Variants in CACNA1A observed in about 807,000 individuals in gnomAD.
The protein encoded by CACNA1A is voltage-dependent P/Q-type calcium channel subunit alpha-1A.
Under a neutral mutation model 262.4 loss-of-function variants are expected in CACNA1A, and 57 were observed. The ratio of observed to expected loss-of-function variants is 0.22; its 90% CI spans 0.18 to 0.27. The LOEUF is 0.27. Among genes scored for constraint, CACNA1A ranks in the 10% least tolerant of loss-of-function variants. The probability of loss-of-function intolerance (pLI) is 1.00; values close to 1 mark genes in which losing one functional copy is unlikely to be tolerated. For missense variants in CACNA1A, 2,526 were observed against 3,562.8 expected, an observed-to-expected ratio of 0.71 and a Z score of 7.41; for synonymous variants, 1,431 against 1,419.3, an observed-to-expected ratio of 1.01 and a Z score of -0.18.
chr19:13,490,973 A>G (rs10423665), intron 1 of CACNA1A, among the ~76,000 whole-genome samples: 103,765 of 148,266 alleles, frequency 0.7, 37,339 homozygotes, highest in African/African-American at 0.88. Context: ...AGGGAGGGAG[A>G]GAAAGACAAA....
intron 38 of CACNA1A, among the ~76,000 whole-genome samples, chr19:13,219,933 G>A (rs2055159913): frequency 7.4e-6 from 1 of 135,456 alleles, no homozygotes. Flanking sequence ...CTGGGTGACA[G>A]AACAAGACTC....
chr19:13,494,189 C>T (rs548346758), intron 1 of CACNA1A, among the ~76,000 whole-genome samples: 1 of 152,252 alleles, frequency 6.6e-6, no homozygotes, highest in African/African-American at 2.4e-5. Flanking sequence ...AAATGTGTTC[C>T]TAAAAGTTTA....
Position 13,413,323 on chromosome 19 carries a change from G to C in CACNA1A, c.539+39553C>G, listed in dbSNP as rs576698735. ...GGGTTTCACTGTGTTAGCCAGGATG[G>C]TCTCAATCTCCTGACCTCGTGATCC... On this transcript the variant is annotated intron_variant, in intron 3 of 46. Coordinates refer to ENST00000360228, the MANE Select transcript of CACNA1A (RefSeq NM_001127222.2). Among the ~76,000 whole-genome samples, 49 of 151,234 alleles carry C rather than the reference G, an allele frequency of 3.2e-4. 1 individual carries two copies. In the East Asian group the frequency reaches 4.6e-3, roughly 14 times the overall value.
rs8112864 is a variant in CACNA1A, at chr19:13,390,680, A to G, written c.540-18901T>C. On this transcript the variant is annotated intron_variant, in intron 3 of 46. Coordinates refer to ENST00000360228, the MANE Select transcript of CACNA1A (RefSeq NM_001127222.2). ...CAATTTTTTTTTTATGATTCTATCC[A>G]CTATTTACCATGTGCTAATTCCTAT... 9.6e-3 allele frequency among the ~76,000 whole-genome samples: 1,462 copies of G among 152,238 alleles called. 26 individuals carry two copies. Among genetic ancestry groups the G allele is most frequent in the African/African-American group, 0.033 (1,351 of 41,540 alleles).
rs574306645 is a variant in CACNA1A, at chr19:13,380,025, C to A, written c.540-8246G>T. 2.9e-3 allele frequency among the ~76,000 whole-genome samples: 404 copies of A among 137,194 alleles called. 2 individuals are homozygous for A. The highest frequency in any genetic ancestry group is 5.0e-3 in the Non-Finnish European group (326 of 65,646). The allele number at this position is 137,194 out of a possible 152,430, so 90.0% of individuals were successfully genotyped here. On this transcript the variant is annotated intron_variant, in intron 3 of 46. Coordinates refer to ENST00000360228, the MANE Select transcript of CACNA1A (RefSeq NM_001127222.2). The stretch of plus-strand genomic sequence containing the variant: ...TTATAGCCAGGTGCGGTGGCTCATG[C>A]CTGTAATCCCAGCACTTTGGGAGGC...
At chr19:13,415,378 C>T (rs1217094754) in intron 3 of CACNA1A, among the ~76,000 whole-genome samples, 1 of 152,110 alleles carries the variant, frequency 6.6e-6, no homozygotes, top group Non-Finnish European at 1.5e-5. Context: ...TGAGAGGCTT[C>T]TGCATGTCAG....
intron 10 of CACNA1A, among the ~76,000 whole-genome samples, chr19:13,328,937 T>C (rs2058418638): frequency 6.6e-6 from 1 of 151,668 alleles, no homozygotes; most frequent in Non-Finnish European, 1.5e-5. Flanking sequence ...TTCCTCTTTC[T>C]CTTGCCATCC....
rs144713214 is a variant in CACNA1A, at chr19:13,409,152, T to C, written c.540-37373A>G. On this transcript the variant is annotated intron_variant, in intron 3 of 46. Coordinates refer to ENST00000360228, the MANE Select transcript of CACNA1A (RefSeq NM_001127222.2). ...TAGAGACAGGTCCATTGATACAATC[T>C]TGACGCTTTGGAACTTTGCTTTCCC... 8.4e-3 allele frequency among the ~76,000 whole-genome samples: 1,283 copies of C among 152,250 alleles called. 9 individuals carry two copies. The highest frequency in any genetic ancestry group is 0.014 in the Non-Finnish European group (947 of 68,014).
intron 3 of CACNA1A, among the ~76,000 whole-genome samples, chr19:13,418,148 C>A (rs565521047): frequency 6.6e-6 from 1 of 152,316 alleles, no homozygotes; most frequent in East Asian, 1.9e-4. Flanking sequence ...TAACCCCACT[C>A]TGTCTTGATT....
chr19:13,373,078 AT>A (rs1347345447), intron 3 of CACNA1A, among the ~76,000 whole-genome samples: 1 of 152,236 alleles, frequency 6.6e-6, no homozygotes, highest in African/African-American at 2.4e-5. Context: ...AGAACTTCAT[AT>A]AATGGACAAG....
At chr19:13,496,123 C>T (rs1331137355) in intron 1 of CACNA1A, among the ~76,000 whole-genome samples, 4 of 152,066 alleles carry the variant, frequency 2.6e-5, no homozygotes, top group Admixed American at 2.0e-4. Flanking sequence ...CAGAGGATGC[C>T]TCCATCCCCT....
chr19:13,503,480 T>C (rs1188285240), intron 1 of CACNA1A, among the ~76,000 whole-genome samples: 1 of 152,106 alleles, frequency 6.6e-6, no homozygotes, highest in East Asian at 1.9e-4. Context: ...TTTTTTTTAA[T>C]GGCAGAAATA....
chr19:13,344,869 C>G (rs1439642127), intron 6 of CACNA1A, among the ~76,000 whole-genome samples: 2 of 152,000 alleles, frequency 1.3e-5, no homozygotes, highest in African/African-American at 4.8e-5. Flanking sequence ...ATTCTTGTGC[C>G]TCGGCCTCCC....
intron 6 of CACNA1A, among the ~76,000 whole-genome samples, chr19:13,342,328 C>A (rs759068295): frequency 6.6e-5 from 10 of 152,132 alleles, no homozygotes; most frequent in Non-Finnish European, 1.2e-4. Context: ...GATGGGGTCA[C>A]AGATCTCTTC....
Position 13,307,766 on chromosome 19 carries a change from C to G in CACNA1A, c.1986+16G>C, listed in dbSNP as rs1434708569. 2 of 1,612,626 alleles carry G rather than the reference C, an allele frequency of 1.2e-6. No homozygotes were observed. The highest frequency in any genetic ancestry group is 2.7e-5 in the African/African-American group (2 of 74,926). On this transcript the variant is annotated intron_variant, in intron 15 of 46. Coordinates refer to ENST00000360228, the MANE Select transcript of CACNA1A (RefSeq NM_001127222.2). ...ACTGAGAGGTGTTGGCCCGTGGGGC[C>G]AGGTGGAGGCTGTACCTGAAACACC...
intron 3 of CACNA1A, among the ~76,000 whole-genome samples, chr19:13,393,767 C>G: frequency 1.4e-5 from 1 of 70,334 alleles, no homozygotes; most frequent in East Asian, 6.1e-4. Context: ...CTTCCCTTCC[C>G]TCCCTCCCTC....
chr19:13,299,960 G>A (rs191637970), intron 18 of CACNA1A, among the ~76,000 whole-genome samples: 74 of 152,280 alleles, frequency 4.9e-4, no homozygotes, highest in African/African-American at 1.8e-3. Flanking sequence ...CAGATGCACC[G>A]TTCACAATAG....
At chr19:13,221,226 C>T (rs962534122) in intron 38 of CACNA1A, among the ~76,000 whole-genome samples, 3 of 9,216 alleles carry the variant, frequency 3.3e-4, no homozygotes, top group African/African-American at 8.0e-4. Flanking sequence ...TCTTTTCTTT[C>T]TTTCTTTCTT....
rs755579462 is a variant in CACNA1A, at chr19:13,259,718, G to A, written c.4251-17C>T. The A allele has an allele frequency of 9.9e-6, 16 of 1,609,896 alleles. No homozygotes were observed. The African/African-American group carries it at 2.0e-4, about 20-fold the overall frequency. On this transcript the variant is annotated splice_polypyrimidine_tract_variant and intron_variant, in intron 26 of 46. Coordinates refer to ENST00000360228, the MANE Select transcript of CACNA1A (RefSeq NM_001127222.2). ...TATTTGCCTCTGCCACAGAGAGTGG[G>A]GACTGTTAGTAAATGGGAAAGAGGG...
Sources: allele counts gnomAD v4.1 joint callset (sites outside exome capture counted in the v4.1 genomes callset), GRCh38; gene constraint gnomAD v4.1.1; transcripts MANE v1.5; gene names NCBI Gene and HGNC (gene_info 2026-07-23, HGNC 2026-07-21).